ADCY8: variants seen among roughly 807,000 people sequenced by gnomAD.
ADCY8 encodes the protein adenylate cyclase 8.
Under a neutral mutation model 119.7 loss-of-function variants are expected in ADCY8, and 51 were observed. The ratio of observed to expected loss-of-function variants is 0.43; its 90% CI spans 0.34 to 0.54. ADCY8 has a LOEUF of 0.54. Ranked by LOEUF, ADCY8 falls within the 20% of genes least tolerant of loss-of-function variation. ADCY8 has a pLI of 0.03. For synonymous variants in ADCY8, 665 were observed against 651.0 expected (o/e 1.02, Z -0.33); for missense variants, 1,383 against 1,598.8 (o/e 0.87, Z 2.30).
At chr8:130,923,546 C>T (rs528168375) in intron 5 of ADCY8, among the ~76,000 whole-genome samples, 19 of 152,224 alleles carry the variant, frequency 1.2e-4, no homozygotes, top group South Asian at 4.2e-4. Flanking sequence ...CCAAGCTCTG[C>T]AATTTTCATT....
chr8:130,871,961 C>T (rs72712501), intron 8 of ADCY8, among the ~76,000 whole-genome samples: 11,885 of 151,944 alleles, frequency 0.078, 504 homozygotes, highest in Non-Finnish European at 0.1. Context: ...CACACACGCA[C>T]GTGCACACAC....
At position 130,930,614 on chromosome 8, in the gene ADCY8, A is replaced by G. The variant is rs548721896; in HGVS notation, c.1481+6459T>C. Among the ~76,000 whole-genome samples, 9 of 152,236 alleles carry G rather than the reference A, an allele frequency of 5.9e-5. No homozygotes were observed. In the South Asian group the frequency reaches 1.9e-3, roughly 32 times the overall value. The stretch of plus-strand genomic sequence containing the variant: ...GCTTTGTGGTTACCATGAGGCTTAC[A>G]AAAACATCTCATATTCATAACAGGT... On this transcript the variant is annotated intron_variant, in intron 5 of 17. Coordinates refer to ENST00000286355, the MANE Select transcript of ADCY8 (RefSeq NM_001115.3).
At chr8:130,785,151 G>A (rs1239471301) in intron 16 of ADCY8, among the ~76,000 whole-genome samples, 2 of 152,356 alleles carry the variant, frequency 1.3e-5, no homozygotes, top group African/African-American at 2.4e-5. Flanking sequence ...AGGGAACAAT[G>A]AGGTTCAGAA....
intron 1 of ADCY8, among the ~76,000 whole-genome samples, chr8:130,991,610 A>G (rs1164230306): frequency 6.6e-6 from 1 of 152,250 alleles, no homozygotes; most frequent in Non-Finnish European, 1.5e-5. Flanking sequence ...AAAAATCACT[A>G]TTTCCAGGGG....
intron 8 of ADCY8, among the ~76,000 whole-genome samples, chr8:130,881,439 C>T (rs536142951): frequency 1.3e-5 from 2 of 152,110 alleles, no homozygotes; most frequent in African/African-American, 4.8e-5. Context: ...GAAAGGCAAA[C>T]GGGTTCCTAT....
chr8:130,786,729 C>T (rs538414964), intron 15 of ADCY8, among the ~76,000 whole-genome samples: 1 of 152,246 alleles, frequency 6.6e-6, no homozygotes, highest in African/African-American at 2.4e-5. Flanking sequence ...AGAACATGCC[C>T]TAGTTCAATT....
At chr8:130,819,430 A>G (rs924919242) in intron 13 of ADCY8, among the ~76,000 whole-genome samples, 1 of 152,222 alleles carries the variant, frequency 6.6e-6, no homozygotes, top group Non-Finnish European at 1.5e-5. Context: ...GGATAAATCA[A>G]ATCTGAATGT....
chr8:130,805,857 G>A (rs773004115), intron 14 of ADCY8, among the ~76,000 whole-genome samples: 1 of 152,182 alleles, frequency 6.6e-6, no homozygotes, highest in Non-Finnish European at 1.5e-5. Flanking sequence ...CACATGTGAG[G>A]AGAAGGTGGG....
rs145596518 is a variant in ADCY8, at chr8:130,956,727, A to G, written c.1111-4729T>C. On this transcript the variant is annotated intron_variant, in intron 2 of 17. Transcript: ENST00000286355. Reference sequence around the variant, plus strand: ...GGACCTGGTGGGAGATAATTGAATCACAGGGGTAGTTTCTTCCTTACTGTT... The same window carrying G: ...GGACCTGGTGGGAGATAATTGAATCGCAGGGGTAGTTTCTTCCTTACTGTT... Among the ~76,000 whole-genome samples the G allele has an allele frequency of 7.2e-3, 1,090 of 152,302 alleles. 18 individuals are homozygous for G. Among genetic ancestry groups the G allele is most frequent in the African/African-American group, 0.024 (1,010 of 41,556 alleles).
chr8:130,784,833 C>T (rs1425096372), intron 16 of ADCY8, among the ~76,000 whole-genome samples: 1 of 142,886 alleles, frequency 7.0e-6, no homozygotes, highest in African/African-American at 2.7e-5. Context: ...ATTCCATTTC[C>T]CCAAGTATCT....
chr8:131,032,480 T>C (rs1197803079), intron 1 of ADCY8, among the ~76,000 whole-genome samples: 1 of 152,110 alleles, frequency 6.6e-6, no homozygotes, highest in Non-Finnish European at 1.5e-5. Context: ...CAAGCAAACA[T>C]AGGTTTATCT....
intron 1 of ADCY8, among the ~76,000 whole-genome samples, chr8:131,017,615 C>A (rs991401667): frequency 1.3e-5 from 2 of 152,178 alleles, no homozygotes; most frequent in Non-Finnish European, 2.9e-5. Context: ...CCCACCCCCA[C>A]ACTCTGCATG....
rs529573705 is a variant in ADCY8, at chr8:131,017,097, T to A, written c.960+22277A>T. Reference sequence around the variant, plus strand: ...ATTTTTTTTTTTTTTTGAGATGGAGTCTCACTTTGTCACTAAGGCTGGAGT... The same window carrying A: ...ATTTTTTTTTTTTTTTGAGATGGAGACTCACTTTGTCACTAAGGCTGGAGT... On this transcript the variant is annotated intron_variant, in intron 1 of 17. Transcript: ENST00000286355. Among the ~76,000 whole-genome samples, 3 of 148,680 alleles carry A rather than the reference T, an allele frequency of 2.0e-5. No homozygotes were observed. The South Asian group carries it at 6.4e-4, about 32-fold the overall frequency.
chr8:131,040,348 G>A lies in ADCY8; in HGVS notation c.-15C>T, dbSNP rs1273401383. Reference sequence around the variant, plus strand: ...GAGAGCTCCATGGCTCTGGGCCGCAGGGAAGGAGGCCCAGAACCTTGGGGA... The same window carrying A: ...GAGAGCTCCATGGCTCTGGGCCGCAAGGAAGGAGGCCCAGAACCTTGGGGA... On this transcript the variant is annotated 5_prime_UTR_variant, in exon 1 of 18. Coordinates refer to ENST00000286355, the MANE Select transcript of ADCY8 (RefSeq NM_001115.3). The A allele has an allele frequency of 2.7e-6, 4 of 1,475,942 alleles. No homozygotes were observed. The highest frequency in any genetic ancestry group is 3.6e-6 in the Non-Finnish European group (4 of 1,119,734). 91.4% of individuals were successfully genotyped at this position (1,475,942 alleles called of 1,614,324 possible).
intron 14 of ADCY8, among the ~76,000 whole-genome samples, chr8:130,810,849 G>A (rs757865305): frequency 5.8e-4 from 88 of 152,268 alleles, no homozygotes; most frequent in Non-Finnish European, 8.4e-4. Flanking sequence ...CTCAGCATGC[G>A]TCTCTGGTTG....
Position 130,829,817 on chromosome 8 carries a change from T to A in ADCY8, c.2675+6460A>T, listed in dbSNP as rs1356042145. On this transcript the variant is annotated intron_variant, in intron 12 of 17. Coordinates refer to ENST00000286355, the MANE Select transcript of ADCY8 (RefSeq NM_001115.3). Reference sequence around the variant, plus strand: ...CCAATGCCACTTATCCTAAAAGGAATGTTACTTCTATATTGACATTTCAGC... The same window carrying A: ...CCAATGCCACTTATCCTAAAAGGAAAGTTACTTCTATATTGACATTTCAGC... Among the ~76,000 whole-genome samples, 4 of 152,370 alleles carry A rather than the reference T, an allele frequency of 2.6e-5. No individual in the cohort carries two copies. In the East Asian group the frequency reaches 7.7e-4, roughly 29 times the overall value.
At chr8:131,009,124 G>A (rs530193592) in intron 1 of ADCY8, among the ~76,000 whole-genome samples, 3 of 152,336 alleles carry the variant, frequency 2.0e-5, no homozygotes, top group Non-Finnish European at 4.4e-5. Flanking sequence ...CATAAGTAAC[G>A]AGGAGCTGAA....
intron 12 of ADCY8, among the ~76,000 whole-genome samples, chr8:130,823,041 T>C (rs1313059823): frequency 6.6e-6 from 1 of 152,202 alleles, no homozygotes; most frequent in Non-Finnish European, 1.5e-5. Flanking sequence ...CAGCTCCTCC[T>C]TGTGACTTCT....
chr8:130,981,445 C>G (rs556889205), intron 2 of ADCY8, among the ~76,000 whole-genome samples: 1 of 152,338 alleles, frequency 6.6e-6, no homozygotes, highest in Non-Finnish European at 1.5e-5. Flanking sequence ...AGCATGTCTT[C>G]TCTTCAGCAT....
Sources: allele counts gnomAD v4.1 joint callset (sites outside exome capture counted in the v4.1 genomes callset), GRCh38; gene constraint gnomAD v4.1.1; transcripts MANE v1.5; gene names NCBI Gene and HGNC (gene_info 2026-07-23, HGNC 2026-07-21).